AK5: variants seen among roughly 807,000 people sequenced by gnomAD.
The protein encoded by AK5 is adenylate kinase 5, also known as adenylate kinase isoenzyme 5.
AK5 carries 27 observed loss-of-function variants against 69.5 expected under a neutral mutation model. The observed-to-expected ratio is 0.39, with a 90% CI of 0.29 to 0.54. The LOEUF (loss-of-function observed/expected upper bound fraction) is 0.54, where lower values mean the gene tolerates loss of function less well. AK5 is among the 20% of genes least tolerant of loss of function. The pLI, the probability that AK5 is intolerant of heterozygous loss-of-function variation, is 0.71. For synonymous variants in AK5, 260 were observed against 244.4 expected, an observed-to-expected ratio of 1.06 and a Z score of -0.60; for missense variants, 531 against 700.4, an observed-to-expected ratio of 0.76 and a Z score of 2.73.
chr1:77,533,373 G>A (rs1377351507), intron 12 of AK5, among the ~76,000 whole-genome samples: 2 of 151,850 alleles, frequency 1.3e-5, no homozygotes, highest in East Asian at 3.9e-4. Flanking sequence ...AAAATTAGCC[G>A]GGTGTGGTGG....
At chr1:77,391,495 G>GTATATATATATATA (rs753916010) in intron 6 of AK5, among the ~76,000 whole-genome samples, 12 of 63,340 alleles carry the variant, frequency 1.9e-4, no homozygotes, top group South Asian at 6.2e-4. Context: ...GTGTGTGTGT[G>GTATATATATATATA]TATATATATA....
chr1:77,337,741 G>A (rs1661435287), intron 5 of AK5, among the ~76,000 whole-genome samples: 1 of 152,110 alleles, frequency 6.6e-6, no homozygotes, highest in African/African-American at 2.4e-5. Flanking sequence ...TAACTTCTGA[G>A]TTGGGAGTTT....
At position 77,419,254 on chromosome 1, in the gene AK5, C is replaced by G. The variant is rs559360631; in HGVS notation, c.1059+1539C>G. On this transcript the variant is annotated intron_variant, in intron 8 of 13. Transcript: ENST00000354567. ...GTCATTCAATGATATGTATTGGGAG[C>G]CTTTTCAGTTGCTGACCCATAAGAC... is the stretch of plus-strand genomic sequence containing the variant. Among the ~76,000 whole-genome samples the G allele has an allele frequency of 1.4e-4, 22 of 152,198 alleles. No homozygotes were observed. The South Asian group carries it at 4.6e-3, about 32-fold the overall frequency.
intron 10 of AK5, among the ~76,000 whole-genome samples, chr1:77,500,500 A>C (rs988315874): frequency 2.0e-5 from 3 of 152,072 alleles, no homozygotes; most frequent in African/African-American, 7.2e-5. Flanking sequence ...AAAAGAAGGC[A>C]AGGCACGGTG....
rs562839274 is a variant in AK5, at chr1:77,360,464, A to C, written c.891+19896A>C. On this transcript the variant is annotated intron_variant, in intron 6 of 13. Transcript: ENST00000354567. ...GCTTGTTTGGTGGATTGACAGAGAC[A>C]GAAACCAGGATAGAGTAGGCAGAGA... Among the ~76,000 whole-genome samples, 10 of 152,312 alleles carry C rather than the reference A, an allele frequency of 6.6e-5. No homozygotes were observed. In the East Asian group the frequency reaches 1.9e-3, roughly 29 times the overall value.
At chr1:77,524,238 T>C (rs12754946) in intron 12 of AK5, among the ~76,000 whole-genome samples, 46,854 of 152,144 alleles carry the variant, frequency 0.31, 8,834 homozygotes, top group Non-Finnish European at 0.42. Context: ...AATGTTGCCA[T>C]GACTACATGT....
chr1:77,366,467 T>A (rs1646951850), intron 6 of AK5, among the ~76,000 whole-genome samples: 1 of 152,202 alleles, frequency 6.6e-6, no homozygotes, highest in South Asian at 2.1e-4. Context: ...TAAAATAATT[T>A]GTCCAAGTTC....
chr1:77,385,630 A>G (rs1352848642), intron 6 of AK5, among the ~76,000 whole-genome samples: 1 of 152,212 alleles, frequency 6.6e-6, no homozygotes, highest in Non-Finnish European at 1.5e-5. Flanking sequence ...AGCTTTCAAT[A>G]TGAATGCAGG....
In AK5 at chr1:77,559,912, G is replaced by A. The variant is rs190884445; in HGVS notation, c.*1242G>A. The A allele has an allele frequency of 1.1e-4, 17 of 151,796 alleles. No homozygotes were observed. Among genetic ancestry groups the A allele is most frequent in the African/African-American group, 3.9e-4 (16 of 41,108 alleles). 9.4% of individuals were successfully genotyped at this position (151,796 alleles called of 1,614,324 possible). ...TCTGGGATAGAATTGTATTTTTTAA[G>A]TCATTTTTTTTTCTTGAAATGGATA... is the stretch of plus-strand genomic sequence containing the variant. On this transcript the variant is annotated 3_prime_UTR_variant, in exon 14 of 14. Coordinates refer to ENST00000354567, the MANE Select transcript of AK5 (RefSeq NM_174858.3).
chr1:77,543,103 A>G (rs992858998), intron 13 of AK5, among the ~76,000 whole-genome samples: 7 of 152,184 alleles, frequency 4.6e-5, no homozygotes, highest in African/African-American at 1.7e-4. Context: ...AATGGTCCAC[A>G]TTGTTCTGGT....
chr1:77,333,510 T>C (rs1390704687), intron 5 of AK5, among the ~76,000 whole-genome samples: 1 of 152,130 alleles, frequency 6.6e-6, no homozygotes, highest in East Asian at 1.9e-4. Flanking sequence ...CCTTTCTTAC[T>C]TTTTTTGAAT....
rs1553140328 is a variant in AK5 at position 77,368,245 on chromosome 1, A to ATAATATATATATGTTATATATAT, written c.891+27679_891+27680insATATATATATGTTATATATATTA. On this transcript the variant is annotated intron_variant, in intron 6 of 13. Transcript: ENST00000354567. ...TATATATATATATATATATATATATATATATATAATATATATGTTATATAT... is the reference window on the plus strand; with the variant it reads ...TATATATATATATATATATATATATATAATATATATATGTTATATATATTATATATAATATATATGTTATATAT... Among the ~76,000 whole-genome samples the ATAATATATATATGTTATATATAT allele has an allele frequency of 5.0e-4, 34 of 67,910 alleles. 2 individuals carry two copies. Among genetic ancestry groups the ATAATATATATATGTTATATATAT allele is most frequent in the South Asian group, 3.3e-3 (6 of 1,802 alleles). 44.6% of individuals were successfully genotyped at this position (67,910 alleles called of 152,430 possible).
intron 5 of AK5, among the ~76,000 whole-genome samples, chr1:77,338,914 G>C (rs1349679999): frequency 6.6e-6 from 1 of 152,152 alleles, no homozygotes; most frequent in South Asian, 2.1e-4. Context: ...GGACATAGAG[G>C]TTTAGCAAGA....
intron 8 of AK5, among the ~76,000 whole-genome samples, chr1:77,450,085 C>G (rs1357967241): frequency 6.6e-6 from 1 of 152,160 alleles, no homozygotes; most frequent in African/African-American, 2.4e-5. Flanking sequence ...CTTCCAGTCT[C>G]TGCTAAAACA....
chr1:77,400,049 A>G (rs374179055), intron 6 of AK5, among the ~76,000 whole-genome samples: 3 of 152,244 alleles, frequency 2.0e-5, no homozygotes, highest in Non-Finnish European at 4.4e-5. Context: ...AGCAAGGTAC[A>G]TGCATCATGC....
chr1:77,452,765 C>T (rs943457860), intron 8 of AK5, among the ~76,000 whole-genome samples: 1 of 152,204 alleles, frequency 6.6e-6, no homozygotes, highest in African/African-American at 2.4e-5. Flanking sequence ...CCATGAGCTT[C>T]TAGAAACAAC....
At chr1:77,458,785 A>G (rs907947403) in intron 8 of AK5, among the ~76,000 whole-genome samples, 9 of 152,224 alleles carry the variant, frequency 5.9e-5, no homozygotes, top group Admixed American at 5.9e-4. Context: ...GAGTGGGGAC[A>G]CAGAGACAAA....
At chr1:77,411,501 C>A (rs1650041838) in intron 7 of AK5, among the ~76,000 whole-genome samples, 1 of 152,128 alleles carries the variant, frequency 6.6e-6, no homozygotes, top group Non-Finnish European at 1.5e-5. Context: ...TCCTGTGTGA[C>A]CCTACCTCTT....
intron 10 of AK5, among the ~76,000 whole-genome samples, chr1:77,489,768 C>T (rs145556947): frequency 6.6e-6 from 1 of 152,194 alleles, no homozygotes; most frequent in African/African-American, 2.4e-5. Context: ...TCCATTAGAT[C>T]CTTTTTGTCC....
Sources: gnomAD v4.1 joint callset for allele counts (sites outside exome capture counted in the v4.1 genomes callset) on GRCh38, gnomAD v4.1.1 for gene constraint, MANE v1.5 for transcripts, NCBI Gene and HGNC (gene_info 2026-07-23, HGNC 2026-07-21) for gene names.